Variants in EYS observed in about 807,000 individuals in gnomAD.
The protein encoded by EYS is protein eyes shut homolog.
Under a neutral mutation model 282.1 loss-of-function variants are expected in EYS, and 250 were observed. That is an observed-to-expected ratio of 0.89 (90% CI 0.80 to 0.98). EYS has a LOEUF of 0.98. Among genes scored for constraint, EYS ranks in the 50% least tolerant of loss-of-function variants. The probability of loss-of-function intolerance (pLI) is 0.00; values close to 1 mark genes in which losing one functional copy is unlikely to be tolerated. For synonymous variants in EYS, 1,355 were observed against 1,282.9 expected (o/e 1.06, Z -1.20); for missense variants, 4,016 against 3,709.0 (o/e 1.08, Z -2.15).
intron 15 of EYS, 66 bp downstream of exon 15, chr6:64,945,727 A>G: frequency 7.2e-7 from 1 of 1,398,362 alleles, no homozygotes; most frequent in Non-Finnish European, 9.8e-7. Context: ...TAATGTCTGG[A>G]TGTATCCCAA....
chr6:64,493,253 C>T (rs1370964131), intron 26 of EYS, among the ~76,000 whole-genome samples: 1 of 151,028 alleles, frequency 6.6e-6, no homozygotes, highest in African/African-American at 2.4e-5. Context: ...ATATAAAAAC[C>T]AAATAGCAGA....
intron 22 of EYS, among the ~76,000 whole-genome samples, chr6:64,698,706 G>T (rs1354123220): frequency 6.6e-6 from 1 of 152,004 alleles, no homozygotes; most frequent in African/African-American, 2.4e-5. Flanking sequence ...TAAACATGTG[G>T]CAAACAAGCA....
At position 64,010,425 on chromosome 6, in the gene EYS, G is replaced by A. The variant is rs1406879040; in HGVS notation, c.6726-11242C>T. 2.6e-5 allele frequency among the ~76,000 whole-genome samples: 4 copies of A among 151,502 alleles called. No individual in the cohort carries two copies. The East Asian group carries it at 7.8e-4, about 29-fold the overall frequency. On this transcript the variant is annotated intron_variant, in intron 33 of 42. Transcript: ENST00000503581. ...GGGGGTGGTGGTGTGGAGAGAAGGGGGACAGGGCTGTGGCCTGTAATTTCT... is the reference window on the plus strand; with the variant it reads ...GGGGGTGGTGGTGTGGAGAGAAGGGAGACAGGGCTGTGGCCTGTAATTTCT...
intron 8 of EYS, among the ~76,000 whole-genome samples, chr6:65,369,849 G>A (rs1384071152): frequency 6.6e-6 from 1 of 151,414 alleles, no homozygotes; most frequent in Non-Finnish European, 1.5e-5. Context: ...GTTCCTTCAG[G>A]GATCTTCCTG....
At chr6:64,790,024 A>T (rs1398211500) in intron 22 of EYS, among the ~76,000 whole-genome samples, 2 of 152,010 alleles carry the variant, frequency 1.3e-5, no homozygotes, top group African/African-American at 4.8e-5. Context: ...AAATCCTTAT[A>T]AAAACAGCCA....
chr6:65,140,285 G>T (rs1192472542), intron 12 of EYS, among the ~76,000 whole-genome samples: 3 of 151,712 alleles, frequency 2.0e-5, no homozygotes, highest in Non-Finnish European at 4.4e-5. Context: ...GCAGAGGAAA[G>T]AATTGGTGAA....
chr6:64,745,682 C>T (rs1772535791), intron 22 of EYS, among the ~76,000 whole-genome samples: 2 of 152,100 alleles, frequency 1.3e-5, no homozygotes, highest in Admixed American at 1.3e-4. Flanking sequence ...CCACTGTAAT[C>T]CAGAAAAATG....
At chr6:65,669,316 G>A (rs1768304404) in intron 1 of EYS, among the ~76,000 whole-genome samples, 1 of 151,772 alleles carries the variant, frequency 6.6e-6, no homozygotes, top group Non-Finnish European at 1.5e-5. Context: ...TGGAGCGAAG[G>A]CCCTTTTCTA....
At chr6:65,139,460 A>G (rs1269444709) in intron 12 of EYS, among the ~76,000 whole-genome samples, 1 of 152,048 alleles carries the variant, frequency 6.6e-6, no homozygotes, top group Non-Finnish European at 1.5e-5. Context: ...AGAGGGTAAC[A>G]ATCAAAAACC....
rs1466012463 is a variant in EYS at position 64,590,804 on chromosome 6, G to T, written c.5063C>A (p.Thr1688Asn). The stretch of plus-strand genomic sequence containing the variant: ...TTCTGATACTGACAGTTCATCAGTA[G>T]TCATTTTTGAAGTCAAATCAGAATT... ...LMNSDLTSKM[T>N]TDELSVSENI... is the part of the protein sequence containing the mutation. Residue 1688 changes from threonine (T) to asparagine (N), a missense_variant, in exon 26 of 43, where the codon ACT (threonine) becomes AAT (asparagine). By Grantham distance (65) the Thr-to-Asn change is moderately conservative. Coordinates refer to ENST00000503581, the MANE Select transcript of EYS (RefSeq NM_001142800.2). 2 of 1,549,240 alleles carry T rather than the reference G, an allele frequency of 1.3e-6. No individual in the cohort carries two copies. Among genetic ancestry groups the T allele is most frequent in the South Asian group, 2.4e-5 (2 of 83,950 alleles).
In EYS at chr6:64,712,399, A is replaced by C. The variant is rs1272388823; in HGVS notation, c.3444-86154T>G. On this transcript the variant is annotated intron_variant, in intron 22 of 42. Transcript: ENST00000503581. Reference sequence around the variant, plus strand: ...GAAAGATAGCTTTAGCACCAGTGTGAAAATGATTTGATTGTGAGGATCCTG... The same window carrying C: ...GAAAGATAGCTTTAGCACCAGTGTGCAAATGATTTGATTGTGAGGATCCTG... 4.6e-5 allele frequency among the ~76,000 whole-genome samples: 7 copies of C among 152,214 alleles called. No homozygotes were observed. The East Asian group carries it at 1.2e-3, about 25-fold the overall frequency.
At chr6:65,608,511 A>C (rs901009231) in intron 2 of EYS, among the ~76,000 whole-genome samples, 3 of 152,034 alleles carry the variant, frequency 2.0e-5, no homozygotes, top group Admixed American at 6.6e-5. Flanking sequence ...TAAACACTGT[A>C]CACTTAGGCT....
At chr6:63,944,380 A>G (rs1188683906) in intron 35 of EYS, among the ~76,000 whole-genome samples, 1 of 152,198 alleles carries the variant, frequency 6.6e-6, no homozygotes, top group Admixed American at 6.5e-5. Flanking sequence ...ATTTTACGAA[A>G]GTGTACGACA....
intron 22 of EYS, among the ~76,000 whole-genome samples, chr6:64,658,796 G>A (rs562902764): frequency 1.3e-5 from 2 of 152,140 alleles, no homozygotes; most frequent in African/African-American, 4.8e-5. Context: ...GGCTACTTGG[G>A]GGTCACCCCA....
At chr6:64,756,290 T>C (rs757162353) in intron 22 of EYS, among the ~76,000 whole-genome samples, 4 of 152,216 alleles carry the variant, frequency 2.6e-5, no homozygotes, top group Non-Finnish European at 5.9e-5. Flanking sequence ...AAAACTGAAC[T>C]CCAAATGATT....
chr6:64,563,120 G>T (rs1324322752), intron 26 of EYS, among the ~76,000 whole-genome samples: 1 of 151,918 alleles, frequency 6.6e-6, no homozygotes, highest in Non-Finnish European at 1.5e-5. Context: ...TTTTAGAGAT[G>T]AAATTAATAA....
intron 12 of EYS, among the ~76,000 whole-genome samples, chr6:65,283,797 T>A (rs1349569127): frequency 6.6e-6 from 1 of 152,090 alleles, no homozygotes; most frequent in Non-Finnish European, 1.5e-5. Context: ...CTTTTCAGTG[T>A]CAATATTAGT....
chr6:64,319,397 T>C (rs1211600831), intron 29 of EYS, among the ~76,000 whole-genome samples: 2 of 151,898 alleles, frequency 1.3e-5, no homozygotes, highest in Non-Finnish European at 2.9e-5. Context: ...ATTAAATCAA[T>C]GGTTTTCATC....
rs1250413219 is a variant in EYS at position 63,721,165 on chromosome 6, TTGAAAA to T, written c.8860_8865del (p.Phe2954_Ser2955del). 1.9e-6 allele frequency: 3 copies of T among 1,551,654 alleles called. No homozygotes were observed. Among genetic ancestry groups the T allele is most frequent in the Non-Finnish European group, 8.7e-7 (1 of 1,146,908 alleles). On this transcript the variant is annotated inframe_deletion, in exon 43 of 43. Coordinates refer to ENST00000503581, the MANE Select transcript of EYS (RefSeq NM_001142800.2). Reference sequence around the variant, plus strand: ...TAAGAATTACCCATAAATTTTGCAGTTGAAAATGAAGTTTTGTTTTCACAATACCTT... The same window carrying T: ...TAAGAATTACCCATAAATTTTGCAGTTGAAGTTTTGTTTTCACAATACCTT...
Sources: allele counts gnomAD v4.1 joint callset (sites outside exome capture counted in the v4.1 genomes callset), GRCh38; gene constraint gnomAD v4.1.1; transcripts MANE v1.5; gene names NCBI Gene and HGNC (gene_info 2026-07-23, HGNC 2026-07-21).